The following FDX1 variants were observed in gnomAD, a reference collection of about 807,000 sequenced individuals.
FDX1 encodes ferredoxin 1, also known as adrenodoxin, mitochondrial.
Under a neutral mutation model 14.9 loss-of-function variants are expected in FDX1, and 9 were observed. The observed-to-expected ratio is 0.60, with a 90% confidence interval of 0.36 to 1.05. The LOEUF (loss-of-function observed/expected upper bound fraction) is 1.05, where lower values mean the gene tolerates loss of function less well. Among genes scored for constraint, FDX1 ranks in the 50% least tolerant of loss-of-function variants. The pLI, the probability that FDX1 is intolerant of heterozygous loss-of-function variation, is 0.01. For synonymous variants in FDX1, 92 were observed against 99.4 expected (o/e 0.93, Z 0.44); for missense variants, 204 against 237.2 (o/e 0.86, Z 0.92).
Position 110,435,922 on chromosome 11 carries a change from G to T in FDX1, c.274G>T (p.Val92Phe). The stretch of plus-strand genomic sequence containing the variant: ...AAAAGTTGGTGATTCTCTGCTAGAT[G>T]TTGTGGTTGAAAATAATCTAGATAT... The part of the protein sequence containing the change: ...KGKVGDSLLD[V>F]VVENNLDIDG... Residue 92 changes from valine (V) to phenylalanine (F), a missense_variant, in exon 2 of 4, where the codon GTT (valine) becomes TTT (phenylalanine). Physicochemically the swap from Val to Phe is conservative, Grantham distance 50 (BLOSUM62 -1). Coordinates refer to ENST00000260270, the MANE Select transcript of FDX1 (RefSeq NM_004109.5). 6.2e-7 allele frequency: 1 copy of T among 1,612,610 alleles called. No homozygotes were observed. The highest frequency in any genetic ancestry group is 8.5e-7 in the Non-Finnish European group (1 of 1,179,176).
At chr11:110,462,254 G>T (rs553625033) in intron 3 of FDX1, 100 bp from the exon 4 acceptor site, 2 of 583,878 alleles carry the variant, frequency 3.4e-6, no homozygotes, top group African/African-American at 1.8e-5. Flanking sequence ...TTCCCTGACT[G>T]CTTTGGGTAA....
chr11:110,438,948 G>C (rs182869069), intron 2 of FDX1, among the ~76,000 whole-genome samples: 3 of 152,176 alleles, frequency 2.0e-5, no homozygotes, highest in Admixed American at 1.3e-4. Flanking sequence ...CTGTCGCCCA[G>C]GCTAGAGTGC....
intron 3 of FDX1, among the ~76,000 whole-genome samples, chr11:110,457,584 T>C (rs759867746): frequency 7.2e-5 from 11 of 152,138 alleles, no homozygotes; most frequent in Non-Finnish European, 1.6e-4. Context: ...TGATATCTTA[T>C]TTTTTAAAAA....
At chr11:110,430,595 G>A (rs980036694) in intron 1 of FDX1, among the ~76,000 whole-genome samples, 1 of 152,194 alleles carries the variant, frequency 6.6e-6, no homozygotes, top group African/African-American at 2.4e-5. Flanking sequence ...CGCTTCCCGT[G>A]CCCTGAGGAA....
chr11:110,436,793 A>G (rs1020474297), intron 2 of FDX1, among the ~76,000 whole-genome samples: 1 of 151,894 alleles, frequency 6.6e-6, no homozygotes, highest in Non-Finnish European at 1.5e-5. Flanking sequence ...ATCAGAATTA[A>G]TTTATCTCTC....
chr11:110,461,370 C>T (rs1178046819), intron 3 of FDX1, among the ~76,000 whole-genome samples: 1 of 151,704 alleles, frequency 6.6e-6, no homozygotes, highest in African/African-American at 2.4e-5. Context: ...GTGGTGCATG[C>T]CTGTAGTCCC....
Position 110,457,063 on chromosome 11 carries a change from T to C in FDX1, c.440+16T>C, listed in dbSNP as rs1946527148. On this transcript the variant is annotated intron_variant, in intron 3 of 3. Transcript: ENST00000260270. ...TAACAGACAGGTAAGATTTTTGGAC[T>C]GCTTCAATTGTAATAATAATCTGGG... 6.2e-7 allele frequency: 1 copy of C among 1,600,646 alleles called. No individual in the cohort carries two copies. The highest frequency in any genetic ancestry group is 1.1e-5 in the South Asian group (1 of 89,906).
chr11:110,457,557 T>C (rs1946530122), intron 3 of FDX1, among the ~76,000 whole-genome samples: 1 of 152,144 alleles, frequency 6.6e-6, no homozygotes. Flanking sequence ...AGATTTACAG[T>C]AGCAAGTGAC....
Position 110,430,149 on chromosome 11 carries a change from T to G in FDX1, c.29T>G (p.Leu10Arg). ...GCTGCCGCTGGGGGCGCCCGGCTGC[T>G]GCGCGCCGCTTCTGCTGTCCTCGGC... MAAAGGARL[L>R]RAASAVLGGP... The change falls in exon 1 of 4, where the codon CTG becomes CGG. Residue 10 changes from leucine (L) to arginine (R), a missense_variant. Leu to Arg is a moderately radical substitution (Grantham distance 102). Coordinates refer to ENST00000260270, the MANE Select transcript of FDX1 (RefSeq NM_004109.5). 12 of 1,242,182 alleles carry G rather than the reference T, an allele frequency of 9.7e-6. No homozygotes were observed. The highest frequency in any genetic ancestry group is 1.2e-5 in the Non-Finnish European group (12 of 996,398). 76.9% of individuals were successfully genotyped at this position (1,242,182 alleles called of 1,614,324 possible). A position where few individuals can be genotyped will look rare whatever the true frequency, so the allele number is the denominator to read the frequency against.
At chr11:110,430,528 G>C (rs751541149) in intron 1 of FDX1, among the ~76,000 whole-genome samples, 3 of 152,164 alleles carry the variant, frequency 2.0e-5, no homozygotes, top group Admixed American at 6.5e-5. Flanking sequence ...GTTCCTTTCC[G>C]CATCACCCAC....
chr11:110,434,521 C>T (rs1390174218), intron 1 of FDX1, among the ~76,000 whole-genome samples: 14 of 151,678 alleles, frequency 9.2e-5, no homozygotes, highest in South Asian at 2.1e-4. Flanking sequence ...TTAGTAGAGA[C>T]GGGGTTTCGC....
intron 2 of FDX1, among the ~76,000 whole-genome samples, chr11:110,447,081 C>T (rs1238925470): frequency 6.6e-6 from 1 of 150,526 alleles, no homozygotes; most frequent in Non-Finnish European, 1.5e-5. Flanking sequence ...GAGGCCAAGG[C>T]AGGAGAATTG....
In FDX1 at chr11:110,437,928, C is replaced by T. The variant is rs1367775769; in HGVS notation, c.310+1970C>T. On this transcript the variant is annotated intron_variant, in intron 2 of 3. Coordinates refer to ENST00000260270, the MANE Select transcript of FDX1 (RefSeq NM_004109.5). ...GTGTTAATTTACTCGGGATAATGGC[C>T]TTGAGCTGTATCCATGTTGCTGGAA... Among the ~76,000 whole-genome samples the T allele has an allele frequency of 2.6e-5, 4 of 152,288 alleles. No individual in the cohort carries two copies. In the East Asian group the frequency reaches 7.7e-4, roughly 29 times the overall value.
At chr11:110,438,219 G>A (rs1018981994) in intron 2 of FDX1, among the ~76,000 whole-genome samples, 1 of 152,172 alleles carries the variant, frequency 6.6e-6, no homozygotes, top group African/African-American at 2.4e-5. Flanking sequence ...GCTTTCCACA[G>A]CAGCTTAACT....
At chr11:110,450,830 G>A (rs964644052) in intron 2 of FDX1, among the ~76,000 whole-genome samples, 1 of 151,938 alleles carries the variant, frequency 6.6e-6, no homozygotes, top group Non-Finnish European at 1.5e-5. Context: ...GTACATACAT[G>A]TATACACATA....
At chr11:110,444,728 A>ATATATATG (rs1946436610) in intron 2 of FDX1, among the ~76,000 whole-genome samples, 1 of 67,600 alleles carries the variant, frequency 1.5e-5, no homozygotes, top group African/African-American at 6.5e-5. Flanking sequence ...ATATACGTAT[A>ATATATATG]TATATATATA....
intron 2 of FDX1, among the ~76,000 whole-genome samples, chr11:110,447,887 G>A (rs1351523983): frequency 6.6e-6 from 1 of 152,148 alleles, no homozygotes; most frequent in Non-Finnish European, 1.5e-5. Flanking sequence ...TGTATTTCTT[G>A]TGTATCTTTC....
At chr11:110,436,024 G>A in intron 2 of FDX1, 66 bp downstream of exon 2, 5 of 1,207,972 alleles carry the variant, frequency 4.1e-6, no homozygotes, top group Non-Finnish European at 5.7e-6. Context: ...TTATTTTGTG[G>A]TTTTTTTTTT....
In FDX1 at chr11:110,462,476, C is replaced by G; in HGVS notation, c.*8C>G. The G allele has an allele frequency of 8.0e-7, 1 of 1,246,172 alleles. No homozygotes were observed. The highest frequency in any genetic ancestry group is 2.3e-5 in the East Asian group (1 of 43,126). 77.2% of individuals were successfully genotyped at this position (1,246,172 alleles called of 1,614,324 possible). A position where few individuals can be genotyped will look rare whatever the true frequency, so the allele number is the denominator to read the frequency against. ...GTGGGCAAGACCTCCTGAACTAGAA[C>G]AAATAGGAATATTTTCATGGAATTT... On this transcript the variant is annotated 3_prime_UTR_variant, in exon 4 of 4. Coordinates refer to ENST00000260270, the MANE Select transcript of FDX1 (RefSeq NM_004109.5).
Sources: gnomAD v4.1 joint callset for allele counts (sites outside exome capture counted in the v4.1 genomes callset) on GRCh38, gnomAD v4.1.1 for gene constraint, MANE v1.5 for transcripts, NCBI Gene and HGNC (gene_info 2026-07-23, HGNC 2026-07-21) for gene names.